The following PCDHA5 variants were observed in gnomAD, a reference collection of about 807,000 sequenced individuals.
PCDHA5 encodes protocadherin alpha-5.
PCDHA5 carries 43 observed loss-of-function variants against 61.6 expected under a neutral mutation model. That is an observed-to-expected ratio of 0.70 (90% CI 0.55 to 0.90). The LOEUF (loss-of-function observed/expected upper bound fraction) is 0.90, where lower values mean the gene tolerates loss of function less well. Among genes scored for constraint, PCDHA5 ranks in the 40% least tolerant of loss-of-function variants. The pLI is 0.00. For synonymous variants in PCDHA5, 627 were observed against 543.9 expected (o/e 1.15, Z -2.13); for missense variants, 1,298 against 1,222.7 (o/e 1.06, Z -0.92).
At chr5:140,999,263 A>G (rs566864160) in intron 3 of PCDHA5, among the ~76,000 whole-genome samples, 3 of 152,346 alleles carry the variant, frequency 2.0e-5, no homozygotes, top group East Asian at 1.9e-4. Context: ...TAGTAAAGGA[A>G]TACTGCATAG....
rs79831933 is a variant in PCDHA5, at chr5:140,933,507, A to G, written c.2353-45442A>G. ...TATTCTTTAGAATTGTTAAGCAAAG[A>G]CTACAGCTGTTTTGTTTAAACTCAA... On this transcript the variant is annotated intron_variant, in intron 1 of 3. Transcript: ENST00000529859. 5.9e-3 allele frequency among the ~76,000 whole-genome samples: 898 copies of G among 152,170 alleles called. 13 individuals carry two copies. Among genetic ancestry groups the G allele is most frequent in the African/African-American group, 0.02 (841 of 41,572 alleles).
In PCDHA5 at chr5:140,908,379, G is replaced by A. The variant is rs553504980; in HGVS notation, c.2353-70570G>A. Among the ~76,000 whole-genome samples the A allele has an allele frequency of 7.2e-5, 11 of 152,198 alleles. No individual in the cohort carries two copies. In the South Asian group the frequency reaches 1.2e-3, roughly 17 times the overall value. On this transcript the variant is annotated intron_variant, in intron 1 of 3. Coordinates refer to ENST00000529859, the MANE Select transcript of PCDHA5 (RefSeq NM_018908.3). ...TTACTTGTGCCTTCAGGACCTGCTC[G>A]AGCCCGATCACATATATACCACTTC...
intron 1 of PCDHA5, chr5:140,876,581 C>G (rs782654448): frequency 1.9e-6 from 3 of 1,614,200 alleles, no homozygotes; most frequent in Non-Finnish European, 2.5e-6. Flanking sequence ...ACCGTCATTG[C>G]CCTGATTAGC....
rs2150184888 is a variant in PCDHA5, at chr5:140,830,320, C to G, written c.2352+6193C>G. 31 of 1,613,872 alleles carry G rather than the reference C, an allele frequency of 1.9e-5. No homozygotes were observed. The African/African-American group carries it at 2.7e-4, about 14-fold the overall frequency. ...ACAAGCCCACGCTGGTGTGCTCCAGCGCAGTGGGGAGCTGGTCGTACTCGC... is the reference window on the plus strand; with the variant it reads ...ACAAGCCCACGCTGGTGTGCTCCAGGGCAGTGGGGAGCTGGTCGTACTCGC... On this transcript the variant is annotated intron_variant, in intron 1 of 3. Transcript: ENST00000529859.
At chr5:140,994,759 G>C (rs1193190612) in intron 3 of PCDHA5, among the ~76,000 whole-genome samples, 3 of 152,130 alleles carry the variant, frequency 2.0e-5, no homozygotes, top group African/African-American at 7.2e-5. Flanking sequence ...ATGTGGAGAG[G>C]AAGAGAATTC....
rs1474245483 is a variant in PCDHA5, at chr5:140,946,429, A to C, written c.2353-32520A>C. Reference sequence around the variant, plus strand: ...ATAGAAAACAATATGGAGGTTACTCAAAAATTGAGACTAAAACAACTATCC... The same window carrying C: ...ATAGAAAACAATATGGAGGTTACTCCAAAATTGAGACTAAAACAACTATCC... On this transcript the variant is annotated intron_variant, in intron 1 of 3. Coordinates refer to ENST00000529859, the MANE Select transcript of PCDHA5 (RefSeq NM_018908.3). 2.0e-5 allele frequency among the ~76,000 whole-genome samples: 3 copies of C among 151,826 alleles called. No homozygotes were observed. In the East Asian group the frequency reaches 5.8e-4, roughly 29 times the overall value.
chr5:140,992,226 G>A lies in PCDHA5; in HGVS notation c.2500+9663G>A, dbSNP rs926605843. On this transcript the variant is annotated intron_variant, in intron 3 of 3. Coordinates refer to ENST00000529859, the MANE Select transcript of PCDHA5 (RefSeq NM_018908.3). The stretch of plus-strand genomic sequence containing the variant: ...CAGATAAACTACTCTCCCTTCCTGG[G>A]AAGAGTAAGGAAGGAAGTAGAGCTA... Among the ~76,000 whole-genome samples the A allele has an allele frequency of 5.3e-5, 8 of 152,256 alleles. No individual in the cohort carries two copies. The East Asian group carries it at 1.5e-3, about 29-fold the overall frequency.
At chr5:140,875,951 C>A (rs1292449525) in intron 1 of PCDHA5, 2 of 1,614,116 alleles carry the variant, frequency 1.2e-6, no homozygotes, top group East Asian at 2.2e-5. Flanking sequence ...GCTTCTGATG[C>A]GGATATCGGC....
intron 3 of PCDHA5, among the ~76,000 whole-genome samples, chr5:140,999,874 T>G (rs897953919): frequency 6.6e-6 from 1 of 152,122 alleles, no homozygotes; most frequent in Admixed American, 6.5e-5. Flanking sequence ...TTACTGAAAA[T>G]TAGCCCAGCT....
intron 3 of PCDHA5, among the ~76,000 whole-genome samples, chr5:141,000,771 G>A (rs1318485268): frequency 2.0e-5 from 3 of 151,790 alleles, no homozygotes; most frequent in Non-Finnish European, 4.4e-5. Context: ...GCCAGGCATA[G>A]TGGCGCACAC....
At chr5:140,852,398 C>T (rs150537989) in intron 1 of PCDHA5, 9,331 of 183,690 alleles carry the variant, frequency 0.051, 796 homozygotes, top group Middle Eastern at 0.071. Context: ...CTGCCTCAGC[C>T]TCCTGAGTAG....
intron 1 of PCDHA5, chr5:140,877,538 C>T: frequency 1.2e-6 from 2 of 1,613,776 alleles, no homozygotes; most frequent in Non-Finnish European, 1.7e-6. Context: ...GCTGTGGATC[C>T]CGAAGCGGCT....
chr5:140,941,201 TC>T (rs1462646812), intron 1 of PCDHA5, among the ~76,000 whole-genome samples: 2 of 103,500 alleles, frequency 1.9e-5, no homozygotes, highest in African/African-American at 7.9e-5. Context: ...TTTTCTTTCT[TC>T]CTTTCTTTCT....
chr5:140,905,947 C>T (rs1210025825), intron 1 of PCDHA5, among the ~76,000 whole-genome samples: 7 of 152,124 alleles, frequency 4.6e-5, no homozygotes, highest in African/African-American at 9.7e-5. Context: ...ACTTGGAATC[C>T]GATGTTCAAG....
chr5:140,862,768 G>A (rs1409687409), intron 1 of PCDHA5: 1 of 576,568 alleles, frequency 1.7e-6, no homozygotes, highest in Admixed American at 1.9e-5. Flanking sequence ...CAAGAGGTAC[G>A]CGTTGCAGCC....
At chr5:140,927,816 A>G in intron 1 of PCDHA5, 2 of 1,614,198 alleles carry the variant, frequency 1.2e-6, no homozygotes, top group Non-Finnish European at 1.7e-6. Flanking sequence ...TCTTGGAGGC[A>G]TACATTGAGG....
chr5:140,968,422 G>C, intron 1 of PCDHA5: 2 of 1,613,984 alleles, frequency 1.2e-6, no homozygotes, highest in Non-Finnish European at 1.7e-6. Context: ...TGGAGGCTCA[G>C]GACAAGGGGA....
intron 1 of PCDHA5, among the ~76,000 whole-genome samples, chr5:140,889,657 C>T (rs1411654885): frequency 2.0e-5 from 3 of 152,128 alleles, no homozygotes; most frequent in African/African-American, 7.2e-5. Context: ...GAGATGTCCT[C>T]TTCCCAGCCT....
intron 1 of PCDHA5, among the ~76,000 whole-genome samples, chr5:140,909,815 C>A (rs1168197798): frequency 3.9e-5 from 6 of 152,094 alleles, no homozygotes; most frequent in Non-Finnish European, 8.8e-5. Flanking sequence ...ACTCCATAAG[C>A]CCCTACTTTA....
Sources: gnomAD v4.1 joint callset for allele counts (sites outside exome capture counted in the v4.1 genomes callset) on GRCh38, gnomAD v4.1.1 for gene constraint, MANE v1.5 for transcripts, NCBI Gene and HGNC (gene_info 2026-07-23, HGNC 2026-07-21) for gene names.